The following NRXN1 variants were observed in gnomAD, a reference collection of about 807,000 sequenced individuals.
NRXN1 encodes the protein neurexin-1.
In NRXN1, 39 loss-of-function variants were observed where a neutral mutation model predicts 150.9. The observed-to-expected ratio is 0.26, with a 90% confidence interval of 0.20 to 0.34. NRXN1 has a LOEUF of 0.34. NRXN1 is among the 10% of genes least tolerant of loss of function. NRXN1 has a pLI of 1.00. For missense variants in NRXN1, 1,815 were observed against 1,949.9 expected (o/e 0.93, Z 1.30); for synonymous variants, 924 against 757.0 (o/e 1.22, Z -3.62).
At position 50,560,424 on chromosome 2, in the gene NRXN1, G is replaced by GTTTATTTATTTA. The variant is rs376853823; in HGVS notation, c.1321-7411_1321-7400dup. Among the ~76,000 whole-genome samples, 170 of 89,534 alleles carry GTTTATTTATTTA rather than the reference G, an allele frequency of 1.9e-3. 2 individuals carry two copies. The highest frequency in any genetic ancestry group is 0.011 in the East Asian group (29 of 2,582). 58.7% of individuals were successfully genotyped at this position (89,534 alleles called of 152,430 possible). A position where few individuals can be genotyped will look rare whatever the true frequency, so the allele number is the denominator to read the frequency against. On this transcript the variant is annotated intron_variant, in intron 8 of 22. Transcript: ENST00000401669. ...CCCTGTACAAAGTAGTCTGATGTAT[G>GTTTATTTATTTA]TTTATTTATTTATTTATTTATTTAT...
chr2:50,146,093 C>G (rs952831148), intron 18 of NRXN1, among the ~76,000 whole-genome samples: 3 of 151,598 alleles, frequency 2.0e-5, no homozygotes, highest in Admixed American at 1.3e-4. Context: ...AACTGAAAAC[C>G]TAGCTCTTTA....
At chr2:50,106,853 A>C (rs1259739391) in intron 18 of NRXN1, among the ~76,000 whole-genome samples, 1 of 151,974 alleles carries the variant, frequency 6.6e-6, no homozygotes, top group East Asian at 1.9e-4. Flanking sequence ...TTAATGGATT[A>C]TTTACTCATC....
intron 5 of NRXN1, among the ~76,000 whole-genome samples, chr2:50,679,607 A>T (rs954132762): frequency 8.6e-5 from 13 of 152,044 alleles, no homozygotes; most frequent in African/African-American, 3.1e-4. Flanking sequence ...TGACAGTAAG[A>T]CCCTGCAAAA....
At chr2:50,373,016 T>A (rs915493979) in intron 17 of NRXN1, among the ~76,000 whole-genome samples, 3 of 152,078 alleles carry the variant, frequency 2.0e-5, no homozygotes, top group Non-Finnish European at 4.4e-5. Context: ...ACACCATTGT[T>A]CCTTATAAAA....
intron 17 of NRXN1, among the ~76,000 whole-genome samples, chr2:50,303,461 T>TATAA (rs895132765): frequency 7.2e-5 from 11 of 152,154 alleles, no homozygotes; most frequent in African/African-American, 2.7e-4. Flanking sequence ...CTTCTTTGGC[T>TATAA]TTATAGTCTT....
chr2:50,712,284 T>A (rs1305056360), intron 5 of NRXN1, among the ~76,000 whole-genome samples: 2 of 152,160 alleles, frequency 1.3e-5, no homozygotes. Context: ...TCCTTTCCAA[T>A]GCTGTATCTC....
chr2:49,966,013 A>G (rs1391957090), intron 21 of NRXN1, among the ~76,000 whole-genome samples: 2 of 152,210 alleles, frequency 1.3e-5, no homozygotes, highest in Admixed American at 1.3e-4. Context: ...TCTTACGAAT[A>G]CCAGAGAGAA....
rs143811148 is a variant in NRXN1, at chr2:50,373,854, A to G, written c.3364+91588T>C. On this transcript the variant is annotated intron_variant, in intron 17 of 22. Transcript: ENST00000401669. Reference sequence around the variant, plus strand: ...CAAATTAGCCCCAAAGTTATTTGTGATTATTATTTGCTTTTGAGTTCTTGT... The same window carrying G: ...CAAATTAGCCCCAAAGTTATTTGTGGTTATTATTTGCTTTTGAGTTCTTGT... Among the ~76,000 whole-genome samples, 602 of 152,026 alleles carry G rather than the reference A, an allele frequency of 4.0e-3. 3 individuals carry two copies. Among genetic ancestry groups the G allele is most frequent in the Non-Finnish European group, 7.2e-3 (487 of 67,956 alleles).
At chr2:50,040,142 C>G (rs1478541020) in intron 21 of NRXN1, among the ~76,000 whole-genome samples, 2 of 151,742 alleles carry the variant, frequency 1.3e-5, no homozygotes, top group Admixed American at 1.3e-4. Flanking sequence ...AAGTTAACAT[C>G]CCTGGAAATA....
intron 17 of NRXN1, among the ~76,000 whole-genome samples, chr2:50,319,798 T>C (rs997107600): frequency 1.3e-5 from 2 of 152,090 alleles, no homozygotes; most frequent in African/African-American, 2.4e-5. Context: ...TTCTGCTCTA[T>C]TGAAATCTTT....
At chr2:50,589,861 T>C (rs1469004115) in intron 8 of NRXN1, among the ~76,000 whole-genome samples, 2 of 152,192 alleles carry the variant, frequency 1.3e-5, no homozygotes, top group Non-Finnish European at 2.9e-5. Flanking sequence ...GGGATCTAAC[T>C]ATTGTCTGTT....
chr2:50,710,642 C>T lies in NRXN1; in HGVS notation c.833-87027G>A, dbSNP rs1484041911. On this transcript the variant is annotated intron_variant, in intron 5 of 22. Coordinates refer to ENST00000401669, the MANE Select transcript of NRXN1 (RefSeq NM_001330078.2). ...CATCTTTGAATAAGTTAAGAATAAG[C>T]ATTAAAAAGTGTCAAAAATAAATGA... Among the ~76,000 whole-genome samples the T allele has an allele frequency of 3.3e-5, 5 of 152,188 alleles. No individual in the cohort carries two copies. In the South Asian group the frequency reaches 8.3e-4, roughly 25 times the overall value.
intron 18 of NRXN1, among the ~76,000 whole-genome samples, chr2:50,118,969 T>C (rs1235075452): frequency 6.6e-6 from 1 of 151,700 alleles, no homozygotes; most frequent in Non-Finnish European, 1.5e-5. Context: ...ACCTGTGTGT[T>C]AACCTGTCTT....
rs1364200802 is a variant in NRXN1, at chr2:51,028,329, C to T, written c.-56G>A. On this transcript the variant is annotated 5_prime_UTR_variant, in exon 2 of 23. Transcript: ENST00000401669. ...CGGGGCCGACAGGGTCAAAATGGTCCTGGACACCGTGACGAAGAAATAAGG... is the reference window on the plus strand; with the variant it reads ...CGGGGCCGACAGGGTCAAAATGGTCTTGGACACCGTGACGAAGAAATAAGG... The T allele has an allele frequency of 1.1e-5, 14 of 1,222,432 alleles. No homozygotes were observed. The highest frequency in any genetic ancestry group is 1.4e-5 in the Non-Finnish European group (13 of 920,326). The allele number at this position is 1,222,432 out of a possible 1,614,324, so 75.7% of individuals were successfully genotyped here.
At chr2:50,422,266 C>T (rs1269924349) in intron 17 of NRXN1, among the ~76,000 whole-genome samples, 5 of 152,082 alleles carry the variant, frequency 3.3e-5, no homozygotes, top group Admixed American at 3.3e-4. Flanking sequence ...TGATAATCAA[C>T]ATAATTTCCT....
chr2:50,308,338 T>C (rs2074838380), intron 17 of NRXN1, among the ~76,000 whole-genome samples: 1 of 152,002 alleles, frequency 6.6e-6, no homozygotes. Flanking sequence ...TTTTATTTTT[T>C]ACGTTTTTAG....
intron 16 of NRXN1, among the ~76,000 whole-genome samples, chr2:50,468,096 C>A (rs980566383): frequency 4.0e-5 from 6 of 151,492 alleles, no homozygotes; most frequent in Non-Finnish European, 7.4e-5. Flanking sequence ...TGGGGAGATG[C>A]CATTTTATCA....
At chr2:50,416,120 G>A (rs1239124414) in intron 17 of NRXN1, among the ~76,000 whole-genome samples, 2 of 152,056 alleles carry the variant, frequency 1.3e-5, no homozygotes, top group African/African-American at 2.4e-5. Flanking sequence ...CTTCAGTGGA[G>A]ACAGATGGGC....
At chr2:50,351,028 G>T (rs939975146) in intron 17 of NRXN1, among the ~76,000 whole-genome samples, 2 of 152,166 alleles carry the variant, frequency 1.3e-5, no homozygotes, top group African/African-American at 2.4e-5. Context: ...AGATAGTGTA[G>T]AAAAAGTATT....
Sources: gnomAD v4.1 joint callset for allele counts (sites outside exome capture counted in the v4.1 genomes callset) on GRCh38, gnomAD v4.1.1 for gene constraint, MANE v1.5 for transcripts, NCBI Gene and HGNC (gene_info 2026-07-23, HGNC 2026-07-21) for gene names.